LRCH1: variants seen among roughly 807,000 people sequenced by gnomAD.
LRCH1 encodes leucine rich repeats and calponin homology domain containing 1.
In LRCH1, 23 loss-of-function variants were observed where a neutral mutation model predicts 94.9. The ratio of observed to expected loss-of-function variants is 0.24; its 90% CI spans 0.17 to 0.34. The LOEUF is 0.34. LRCH1 is among the 10% of genes least tolerant of loss of function. The probability of loss-of-function intolerance (pLI) is 1.00; values close to 1 mark genes in which losing one functional copy is unlikely to be tolerated. For missense variants in LRCH1, 790 were observed against 945.9 expected (o/e 0.84, Z 2.16); for synonymous variants, 364 against 354.9 (o/e 1.03, Z -0.29).
chr13:46,694,822 T>G, intron 8 of LRCH1, 71 bp from the exon 9 acceptor site: 2 of 1,525,864 alleles, frequency 1.3e-6, no homozygotes, highest in Non-Finnish European at 1.8e-6. Flanking sequence ...AGATCATATT[T>G]GAAGATCAGC....
intron 1 of LRCH1, among the ~76,000 whole-genome samples, chr13:46,578,137 G>A (rs1278932536): frequency 1.3e-5 from 2 of 152,200 alleles, no homozygotes; most frequent in Non-Finnish European, 2.9e-5. Flanking sequence ...CATTAGGTGT[G>A]GAAAGGAAGC....
intron 1 of LRCH1, among the ~76,000 whole-genome samples, chr13:46,599,936 A>G (rs2050607998): frequency 6.6e-6 from 1 of 152,268 alleles, no homozygotes; most frequent in African/African-American, 2.4e-5. Context: ...AGCCCTTTCA[A>G]AACTAAAGGT....
chr13:46,694,178 T>C (rs1403682847), intron 8 of LRCH1, among the ~76,000 whole-genome samples: 2 of 152,210 alleles, frequency 1.3e-5, no homozygotes, highest in Non-Finnish European at 2.9e-5. Flanking sequence ...TACTAGTGGG[T>C]GTTCCCCCTC....
chr13:46,578,515 G>C (rs2050328473), intron 1 of LRCH1, among the ~76,000 whole-genome samples: 1 of 152,220 alleles, frequency 6.6e-6, no homozygotes. Context: ...ATTAACAATT[G>C]CATGCATTCT....
chr13:46,606,824 G>A (rs1006553635), intron 1 of LRCH1, among the ~76,000 whole-genome samples: 3 of 152,124 alleles, frequency 2.0e-5, no homozygotes, highest in East Asian at 1.9e-4. Flanking sequence ...CTCCTGCCTC[G>A]GCTGGTGTGC....
intron 2 of LRCH1, among the ~76,000 whole-genome samples, chr13:46,657,500 C>CTTTTTTTTTTTTTTTTTTTGTTTTTT (rs2051387880): frequency 8.8e-5 from 1 of 11,378 alleles, no homozygotes; most frequent in Non-Finnish European, 1.6e-4. Flanking sequence ...CTTTTCTTTT[C>CTTTTTTTTTTTTTTTTTTTGTTTTTT]TTTTTTTTTT....
intron 16 of LRCH1, among the ~76,000 whole-genome samples, chr13:46,716,391 G>A (rs551429512): frequency 2.6e-5 from 4 of 152,200 alleles, no homozygotes; most frequent in Admixed American, 6.5e-5. Context: ...CACCTATATC[G>A]TAATCTCCAT....
chr13:46,693,603 A>T (rs1871025389), intron 8 of LRCH1, among the ~76,000 whole-genome samples: 1 of 152,174 alleles, frequency 6.6e-6, no homozygotes, highest in Non-Finnish European at 1.5e-5. Context: ...AGATGATTAG[A>T]TTAGGTAATA....
Position 46,733,978 on chromosome 13 carries a change from C to T in LRCH1, c.2065C>T (p.Arg689Ter). ...RNVENFLEACRKLGVPEADLC... is the reference protein window; with the variant it reads ...RNVENFLEAC ...TGTGGAAAACTTTTTGGAAGCATGC[C>T]GAAAATTAGGAGTACCAGAGGTAAC... The change falls in exon 19 of 20, where the codon CGA becomes TGA. Residue 689 changes from arginine to a stop codon, truncating the protein, a stop_gained. Transcript: ENST00000389797. LOFTEE classifies it high-confidence loss of function. 5 of 1,597,860 alleles carry T rather than the reference C, an allele frequency of 3.1e-6. No homozygotes were observed. The highest frequency in any genetic ancestry group is 4.3e-6 in the Non-Finnish European group (5 of 1,170,832).
chr13:46,592,456 C>T (rs1213324867), intron 1 of LRCH1, among the ~76,000 whole-genome samples: 1 of 152,208 alleles, frequency 6.6e-6, no homozygotes, highest in Non-Finnish European at 1.5e-5. Context: ...AGCACTTCCT[C>T]TGTCCCACAC....
chr13:46,653,219 C>T (rs2051328598), intron 2 of LRCH1, among the ~76,000 whole-genome samples: 1 of 152,158 alleles, frequency 6.6e-6, no homozygotes, highest in South Asian at 2.1e-4. Flanking sequence ...TTTTTAGCTT[C>T]CTGGTTGCAT....
rs2050023559 is a variant in LRCH1, at chr13:46,553,473, C to CCCAACA, written c.80_81insACACCA (p.Pro26_His27insGlnHis). 1.3e-6 allele frequency: 2 copies of CCCAACA among 1,545,258 alleles called. No homozygotes were observed. Among genetic ancestry groups the CCCAACA allele is most frequent in the African/African-American group, 2.8e-5 (2 of 72,674 alleles). Reference sequence around the variant, plus strand: ...GCTACTCTGCACCCACTTCATCATCCCCACCACCACCACCACCACCATCAG... The same window carrying CCCAACA: ...GCTACTCTGCACCCACTTCATCATCCCCAACACCACCACCACCACCACCACCATCAG... On this transcript the variant is annotated inframe_insertion, in exon 1 of 20. Transcript: ENST00000389797.
At chr13:46,652,230 C>T (rs1361741692) in intron 2 of LRCH1, among the ~76,000 whole-genome samples, 1 of 152,118 alleles carries the variant, frequency 6.6e-6, no homozygotes, top group African/African-American at 2.4e-5. Flanking sequence ...GCGCCCGCCA[C>T]CACGCCCGGC....
chr13:46,693,058 G>A (rs894707282), intron 8 of LRCH1, among the ~76,000 whole-genome samples: 1 of 147,240 alleles, frequency 6.8e-6, no homozygotes, highest in Non-Finnish European at 1.5e-5. Context: ...CGCAACCTCC[G>A]CCTCCTGGGT....
intron 1 of LRCH1, among the ~76,000 whole-genome samples, chr13:46,587,973 C>A (rs2137955689): frequency 6.6e-6 from 1 of 152,140 alleles, no homozygotes; most frequent in Admixed American, 6.5e-5. Context: ...GGGGCTAAGA[C>A]TATTAGCATT....
At chr13:46,572,767 T>C (rs192726555) in intron 1 of LRCH1, among the ~76,000 whole-genome samples, 1 of 152,122 alleles carries the variant, frequency 6.6e-6, no homozygotes, top group East Asian at 1.9e-4. Flanking sequence ...ACTTAAGAGG[T>C]GCTGCATTTT....
At chr13:46,729,697 G>A (rs1873006563) in intron 18 of LRCH1, among the ~76,000 whole-genome samples, 1 of 152,138 alleles carries the variant, frequency 6.6e-6, no homozygotes, top group Admixed American at 6.5e-5. Flanking sequence ...AGCTGCTTTT[G>A]GTTGGTAACT....
At chr13:46,707,532 T>C (rs752092429) in intron 13 of LRCH1, among the ~76,000 whole-genome samples, 3 of 152,220 alleles carry the variant, frequency 2.0e-5, no homozygotes, top group Non-Finnish European at 4.4e-5. Flanking sequence ...TTCAAGACCA[T>C]CTTAGCATCC....
chr13:46,735,953 C>T (rs1372625517), intron 19 of LRCH1, among the ~76,000 whole-genome samples: 14 of 151,918 alleles, frequency 9.2e-5, no homozygotes, highest in African/African-American at 3.4e-4. Flanking sequence ...TGCACTACCA[C>T]GCCCAGCTAA....
Sources: allele counts gnomAD v4.1 joint callset (sites outside exome capture counted in the v4.1 genomes callset), GRCh38; gene constraint gnomAD v4.1.1; transcripts MANE v1.5; gene names NCBI Gene and HGNC (gene_info 2026-07-23, HGNC 2026-07-21).